Variants in ARHGAP5 observed in about 807,000 individuals in gnomAD.
ARHGAP5 encodes Rho GTPase activating protein 5, also known as rho GTPase-activating protein 5.
In ARHGAP5, 23 loss-of-function variants were observed where a neutral mutation model predicts 116.6. The observed-to-expected ratio is 0.20, with a 90% CI of 0.14 to 0.28. The LOEUF is 0.28. Ranked by LOEUF, ARHGAP5 falls within the 10% of genes least tolerant of loss-of-function variation. The pLI is 1.00. For synonymous variants in ARHGAP5, 574 were observed against 602.0 expected (o/e 0.95, Z 0.68); for missense variants, 1,405 against 1,774.8 (o/e 0.79, Z 3.74).
chr14:32,088,022 G>A (rs373479112), intron 1 of ARHGAP5, among the ~76,000 whole-genome samples: 15 of 152,058 alleles, frequency 9.9e-5, no homozygotes, highest in African/African-American at 3.6e-4. Flanking sequence ...TTATGATAGA[G>A]TGTTTTCATT....
In ARHGAP5 at chr14:32,140,522, G is replaced by A. The variant is rs540196926; in HGVS notation, c.3866-5741G>A. Among the ~76,000 whole-genome samples the A allele has an allele frequency of 2.3e-3, 357 of 152,150 alleles. 1 individual carries two copies. Among genetic ancestry groups the A allele is most frequent in the African/African-American group, 8.1e-3 (336 of 41,518 alleles). On this transcript the variant is annotated intron_variant, in intron 3 of 6. Transcript: ENST00000345122. ...GGAGAACGGTGTGAACCCAGGAGGCGGAGCTTGCAGTGAGCAGAGATCATA... is the reference window on the plus strand; with the variant it reads ...GGAGAACGGTGTGAACCCAGGAGGCAGAGCTTGCAGTGAGCAGAGATCATA...
intron 3 of ARHGAP5, among the ~76,000 whole-genome samples, chr14:32,138,017 G>A (rs1234521999): frequency 6.6e-6 from 1 of 151,252 alleles, no homozygotes; most frequent in Non-Finnish European, 1.5e-5. Context: ...CACAAACACA[G>A]GATATCTTTT....
chr14:32,077,754 G>A (rs2041723676), intron 1 of ARHGAP5, among the ~76,000 whole-genome samples: 1 of 152,062 alleles, frequency 6.6e-6, no homozygotes, highest in African/African-American at 2.4e-5. Context: ...CCAGGCGTCC[G>A]CTCTCGCCCG....
intron 2 of ARHGAP5, among the ~76,000 whole-genome samples, chr14:32,116,053 T>G (rs922733400): frequency 6.7e-6 from 1 of 149,348 alleles, no homozygotes; most frequent in African/African-American, 2.5e-5. Flanking sequence ...TTTGGGAGGC[T>G]GAGGCGGGTG....
intron 5 of ARHGAP5, 62 bp downstream of exon 5, chr14:32,150,095 T>G (rs927135928): frequency 7.3e-7 from 1 of 1,377,544 alleles, no homozygotes; most frequent in Non-Finnish European, 9.7e-7. Context: ...TATTGATTGC[T>G]AAGTGTTAAA....
intron 3 of ARHGAP5, among the ~76,000 whole-genome samples, chr14:32,126,316 T>C (rs1471504180): frequency 6.6e-6 from 1 of 152,198 alleles, no homozygotes; most frequent in Non-Finnish European, 1.5e-5. Context: ...ATGTTCCCTC[T>C]GAGACTCTAG....
At chr14:32,130,862 T>C (rs1880450304) in intron 3 of ARHGAP5, among the ~76,000 whole-genome samples, 1 of 152,202 alleles carries the variant, frequency 6.6e-6, no homozygotes, top group Admixed American at 6.5e-5. Flanking sequence ...TTCAAAATTT[T>C]GGGACCTTTA....
At chr14:32,085,547 T>C (rs1361980451) in intron 1 of ARHGAP5, among the ~76,000 whole-genome samples, 4 of 152,240 alleles carry the variant, frequency 2.6e-5, no homozygotes, top group Admixed American at 2.6e-4. Flanking sequence ...ATTATTCATC[T>C]TTTAGTGTGC....
chr14:32,111,758 T>C (rs1351544091), intron 2 of ARHGAP5, among the ~76,000 whole-genome samples: 2 of 152,110 alleles, frequency 1.3e-5, no homozygotes, highest in Non-Finnish European at 2.9e-5. Flanking sequence ...TATTTGCTAC[T>C]TCTAAGCAGG....
chr14:32,087,869 C>T (rs966882399), intron 1 of ARHGAP5, among the ~76,000 whole-genome samples: 2 of 151,952 alleles, frequency 1.3e-5, no homozygotes, highest in Middle Eastern at 3.4e-3. Context: ...GTGTTGAAGC[C>T]TTAGTATTAA....
In ARHGAP5 at chr14:32,092,950, T is replaced by A; in HGVS notation, c.2281T>A (p.Leu761Met). 1 of 1,614,024 alleles carries A rather than the reference T, an allele frequency of 6.2e-7. No homozygotes were observed. ...RGVLESVKHN[L>M]DVVSPIPANK... is the part of the protein sequence containing the mutation. ...AGTATTGGAATCAGTTAAACACAAT[T>A]TGGATGTGGTGAGCCCAATTCCTGC... Residue 761 changes from leucine (L) to methionine (M), a missense_variant, in exon 2 of 7, where the codon TTG becomes ATG. Around this residue, in one of 6 missense-constraint regions of ARHGAP5, gnomAD observed 944 missense variants for 1,095.3 expected, o/e 0.86. Transcript: ENST00000345122. The surrounding 1 kb of genome is among the most constrained non-coding windows in gnomAD (Gnocchi z 4.1).
chr14:32,145,209 T>G lies in ARHGAP5; in HGVS notation c.3866-1054T>G, dbSNP rs190092071. Among the ~76,000 whole-genome samples the G allele has an allele frequency of 9.9e-4, 151 of 152,216 alleles. 3 individuals carry two copies. Among genetic ancestry groups the G allele is most frequent in the Non-Finnish European group, 1.0e-4 (7 of 68,008 alleles). ...TGGGGTAGGTAGGGCATCTCTTACC[T>G]AGGATTGGTGGTGGAAGTTTAGGCT... On this transcript the variant is annotated intron_variant, in intron 3 of 6. Coordinates refer to ENST00000345122, the MANE Select transcript of ARHGAP5 (RefSeq NM_001030055.2).
intron 1 of ARHGAP5, among the ~76,000 whole-genome samples, chr14:32,084,389 A>G (rs926223528): frequency 2.6e-5 from 4 of 152,124 alleles, no homozygotes; most frequent in Non-Finnish European, 5.9e-5. Flanking sequence ...AAAAAACTGG[A>G]CTTTTTATGT....
rs925999127 is a variant in ARHGAP5 at position 32,093,360 on chromosome 14, C to T, written c.2691C>T (p.Ile897=). The change falls in exon 2 of 7, where the codon ATC becomes ATT. Residue 897 remains isoleucine, a synonymous_variant. Coordinates refer to ENST00000345122, the MANE Select transcript of ARHGAP5 (RefSeq NM_001030055.2). ...CAGATTTTTTTGAAAATGAGGCTAT[C>T]AAAGAGTTAATGACTGAAGGAGAAC... ...SQADFFENEA[I]KELMTEGEHI... 10 of 1,613,798 alleles carry T rather than the reference C, an allele frequency of 6.2e-6. No individual in the cohort carries two copies. The highest frequency in any genetic ancestry group is 6.8e-6 in the Non-Finnish European group (8 of 1,179,940).
intron 4 of ARHGAP5, among the ~76,000 whole-genome samples, chr14:32,147,603 C>G (rs1005099237): frequency 1.3e-5 from 2 of 152,114 alleles, no homozygotes; most frequent in African/African-American, 4.8e-5. Context: ...TTACAGAAGT[C>G]TTTGCATAAG....
intron 3 of ARHGAP5, among the ~76,000 whole-genome samples, chr14:32,120,394 A>G (rs1378341923): frequency 2.7e-5 from 4 of 150,264 alleles, no homozygotes; most frequent in South Asian, 4.2e-4. Context: ...TTTTTTTTCC[A>G]TTTTTTAATT....
In ARHGAP5 at chr14:32,090,951, A is replaced by G. The variant is rs1352225916; in HGVS notation, c.282A>G (p.Glu94=). 23 of 1,613,580 alleles carry G rather than the reference A, an allele frequency of 1.4e-5. No individual in the cohort carries two copies. Among genetic ancestry groups the G allele is most frequent in the Non-Finnish European group, 1.5e-5 (18 of 1,179,692 alleles). ...TAGAATGCAAAATTCATGTCATTGA[A>G]CAAACAGAGTTCATTGATGACCAGA... ...DGVECKIHVI[E]QTEFIDDQTF... is the part of the protein sequence containing the mutation. Residue 94 remains glutamate, a synonymous_variant, in exon 2 of 7, where the codon GAA becomes GAG. Coordinates refer to ENST00000345122, the MANE Select transcript of ARHGAP5 (RefSeq NM_001030055.2).
chr14:32,116,295 A>G (rs1364989907), intron 2 of ARHGAP5, among the ~76,000 whole-genome samples: 1 of 147,186 alleles, frequency 6.8e-6, no homozygotes, highest in African/African-American at 2.5e-5. Flanking sequence ...TCTCAAAAAA[A>G]AATAAATAAA....
At chr14:32,084,255 G>A (rs2041806767) in intron 1 of ARHGAP5, among the ~76,000 whole-genome samples, 1 of 152,150 alleles carries the variant, frequency 6.6e-6, no homozygotes, top group Admixed American at 6.5e-5. Flanking sequence ...TACCTTTGCT[G>A]CGTGGGTTTG....
Sources: allele counts gnomAD v4.1 joint callset (sites outside exome capture counted in the v4.1 genomes callset), GRCh38; gene constraint gnomAD v4.1.1; regional missense constraint gnomAD v4.1.1; non-coding constraint Gnocchi (gnomAD v3.1); transcripts MANE v1.5; gene names NCBI Gene and HGNC (gene_info 2026-07-23, HGNC 2026-07-21).